The following SCN7A variants were observed in gnomAD, a reference collection of about 807,000 sequenced individuals.
SCN7A encodes the protein sodium channel protein type 7 subunit alpha.
A neutral mutation model predicts 155.2 loss-of-function variants in SCN7A; 138 were observed. The ratio of observed to expected loss-of-function variants is 0.89; its 90% CI spans 0.77 to 1.02. The LOEUF (loss-of-function observed/expected upper bound fraction) is 1.02. SCN7A is among the 50% of genes least tolerant of loss of function. The pLI, the probability that SCN7A is intolerant of heterozygous loss-of-function variation, is 0.00. For missense variants in SCN7A, 2,058 were observed against 1,986.6 expected, an observed-to-expected ratio of 1.04 and a Z score of -0.68; for synonymous variants, 693 against 649.0, an observed-to-expected ratio of 1.07 and a Z score of -1.03.
intron 3 of SCN7A, among the ~76,000 whole-genome samples, chr2:166,475,107 T>TAC (rs1702759950): frequency 6.7e-5 from 7 of 103,970 alleles, no homozygotes; most frequent in Admixed American, 4.1e-4. Flanking sequence ...TATATATGTA[T>TAC]ATATATATAT....
intron 1 of SCN7A, among the ~76,000 whole-genome samples, chr2:166,493,433 C>T (rs1559134531): frequency 6.6e-6 from 1 of 152,194 alleles, no homozygotes; most frequent in African/African-American, 2.4e-5. Context: ...ACAACAACAA[C>T]AATCTCTGTT....
chr2:166,449,234 G>C (rs1179364292), intron 11 of SCN7A, among the ~76,000 whole-genome samples: 1 of 152,118 alleles, frequency 6.6e-6, no homozygotes, highest in Non-Finnish European at 1.5e-5. Flanking sequence ...ATGGATGGAT[G>C]ATATTACACT....
At chr2:166,433,119 T>G (rs1240314388) in intron 15 of SCN7A, among the ~76,000 whole-genome samples, 3 of 152,108 alleles carry the variant, frequency 2.0e-5, no homozygotes, top group African/African-American at 7.2e-5. Context: ...GGGAGTTATT[T>G]ATATCCTACT....
Position 166,412,646 on chromosome 2 carries a change from C to G in SCN7A, c.3490G>C (p.Glu1164Gln). Residue 1164 changes from glutamate to glutamine, a missense_variant, in exon 23 of 26, where the codon GAA becomes CAA. Coordinates refer to ENST00000643258, the MANE Select transcript of SCN7A (RefSeq NM_002976.4). ...TAACAATACATGTAGATGTTGACTT[C>G]AAAATGAGGCTGTATATTAACCTAG... Reference protein sequence around the residue: ...SVAVNIQPHFEVNIYMYCYFI... With the variant: ...SVAVNIQPHFQVNIYMYCYFI... 2 of 1,510,654 alleles carry G rather than the reference C, an allele frequency of 1.3e-6. No homozygotes were observed. The highest frequency in any genetic ancestry group is 1.8e-6 in the Non-Finnish European group (2 of 1,134,108). 93.6% of individuals were successfully genotyped at this position (1,510,654 alleles called of 1,614,324 possible).
At chr2:166,455,489 A>G (rs1235447449) in intron 11 of SCN7A, among the ~76,000 whole-genome samples, 1 of 152,162 alleles carries the variant, frequency 6.6e-6, no homozygotes, top group Non-Finnish European at 1.5e-5. Flanking sequence ...GTGGGGGCTC[A>G]GCACTGGGCA....
intron 3 of SCN7A, among the ~76,000 whole-genome samples, chr2:166,476,781 T>C (rs1445822248): frequency 6.6e-6 from 1 of 152,058 alleles, no homozygotes; most frequent in Non-Finnish European, 1.5e-5. Context: ...CCTTCCAGAA[T>C]CATTCTCTGC....
rs758328949 is a variant in SCN7A at position 166,444,961 on chromosome 2, T to C, written c.1427A>G (p.Tyr476Cys). 5.0e-6 allele frequency: 8 copies of C among 1,612,804 alleles called. No individual in the cohort carries two copies. The Middle Eastern group carries it at 8.3e-4, about 167-fold the overall frequency. ...GATCAAGAAAGTTTTAGCAAACTTA[T>C]ACCAGTATAATGGGCATATCTTCTT... Reference protein sequence around the residue: ...KSKKICPLYWYKFAKTFLIWN... With the variant: ...KSKKICPLYWCKFAKTFLIWN... The change falls in exon 13 of 26, where the codon TAT becomes TGT. Residue 476 changes from tyrosine to cysteine, a missense_variant. Transcript: ENST00000643258.
At chr2:166,447,479 C>T (rs541551515) in intron 12 of SCN7A, 133 bp downstream of exon 12, 7 of 584,508 alleles carry the variant, frequency 1.2e-5, no homozygotes, top group African/African-American at 1.1e-4. Context: ...ATGGTTTATC[C>T]TAATATTCTC....
chr2:166,452,932 T>G (rs1312151040), intron 11 of SCN7A, among the ~76,000 whole-genome samples: 1 of 152,218 alleles, frequency 6.6e-6, no homozygotes, highest in Non-Finnish European at 1.5e-5. Context: ...TTTTTATTGT[T>G]ATTTTAATTA....
At position 166,432,577 on chromosome 2, in the gene SCN7A, A is replaced by T. The variant is rs1403665819; in HGVS notation, c.2333T>A (p.Met778Lys). ...CKTQNVPKDT[M>K]DHVNEVYVKE... ...AACATATACCTCATTTACATGGTCC[A>T]TTGTGTCCTTTGGGACATTTTGTGT... The change falls in exon 16 of 26, where the codon ATG (methionine) becomes AAG (lysine). Residue 778 changes from methionine (M) to lysine (K), a missense_variant. Transcript: ENST00000643258. 1.2e-6 allele frequency: 2 copies of T among 1,613,344 alleles called. No homozygotes were observed. Among genetic ancestry groups the T allele is most frequent in the Admixed American group, 3.3e-5 (2 of 59,952 alleles).
intron 14 of SCN7A, among the ~76,000 whole-genome samples, chr2:166,442,776 AG>A (rs1701987753): frequency 1.3e-5 from 2 of 152,190 alleles, no homozygotes; most frequent in Non-Finnish European, 2.9e-5. Flanking sequence ...TGCAATTGCC[AG>A]TGTTGTTTCA....
intron 10 of SCN7A, 39 bp from the exon 11 acceptor site, chr2:166,457,115 T>C (rs1702302364): frequency 1.4e-6 from 2 of 1,391,216 alleles, no homozygotes; most frequent in Non-Finnish European, 2.0e-6. Context: ...GAGTAAAATG[T>C]TATTTATCTT....
At chr2:166,455,962 A>G (rs1272679139) in intron 11 of SCN7A, among the ~76,000 whole-genome samples, 2 of 152,144 alleles carry the variant, frequency 1.3e-5, no homozygotes, top group Non-Finnish European at 2.9e-5. Context: ...TCGTTAGACT[A>G]CATAAAGAAA....
At chr2:166,418,514 C>T (rs1701440819) in intron 20 of SCN7A, among the ~76,000 whole-genome samples, 1 of 151,438 alleles carries the variant, frequency 6.6e-6, no homozygotes, top group Admixed American at 6.6e-5. Flanking sequence ...TGTTTTCTAC[C>T]ATTCTAACCT....
chr2:166,481,157 A>T (rs1031360889), intron 2 of SCN7A, among the ~76,000 whole-genome samples: 6 of 152,162 alleles, frequency 3.9e-5, no homozygotes, highest in Non-Finnish European at 8.8e-5. Context: ...TAAAATCATG[A>T]TCTTTGAACT....
intron 2 of SCN7A, among the ~76,000 whole-genome samples, chr2:166,479,524 T>C (rs1046807294): frequency 2.0e-5 from 3 of 152,130 alleles, no homozygotes. Flanking sequence ...AATCAAGTTT[T>C]CTGGGTTTTG....
At position 166,462,439 on chromosome 2, in the gene SCN7A, C is replaced by T. The variant is rs1388304752; in HGVS notation, c.1033G>A (p.Ala345Thr). Residue 345 changes from alanine (A) to threonine (T), a missense_variant, in exon 10 of 26, where the codon GCC (alanine) becomes ACC (threonine). By Grantham distance (58) the Ala-to-Thr change is moderately conservative. Coordinates refer to ENST00000643258, the MANE Select transcript of SCN7A (RefSeq NM_002976.4). ...NFDSFGWALF[A>T]LFRLMAQDYP... Reference sequence around the variant, plus strand: ...TCCTGAGCCATTAACCGAAATAGGGCAAATAAGGCCCAGCCAAAACTGTCA... The same window carrying T: ...TCCTGAGCCATTAACCGAAATAGGGTAAATAAGGCCCAGCCAAAACTGTCA... The T allele has an allele frequency of 1.2e-6, 2 of 1,610,418 alleles. No individual in the cohort carries two copies. The highest frequency in any genetic ancestry group is 1.7e-5 in the Admixed American group (1 of 59,570).
Position 166,416,853 on chromosome 2 carries a change from G to C in SCN7A, c.3268C>G (p.Pro1090Ala), listed in dbSNP as rs1323819744. 6.2e-7 allele frequency: 1 copy of C among 1,613,496 alleles called. No individual in the cohort carries two copies. Among genetic ancestry groups the C allele is most frequent in the East Asian group, 2.2e-5 (1 of 44,816 alleles). The change falls in exon 21 of 26, where the codon CCA becomes GCA. Residue 1090 changes from proline (P) to alanine (A), a missense_variant. Transcript: ENST00000643258. ...GAAGGAAACCTTTCTCCACTTGTTG[G>C]GTCAATGCATTCATAGAATCTGCCA... is the stretch of plus-strand genomic sequence containing the variant. ...FAGRFYECID[P>A]TSGERFPSSE... is the part of the protein sequence containing the mutation.
chr2:166,406,177 C>A lies in SCN7A; in HGVS notation c.4452G>T (p.Trp1484Cys). 6.2e-7 allele frequency: 1 copy of A among 1,612,472 alleles called. No homozygotes were observed. Among genetic ancestry groups the A allele is most frequent in the Non-Finnish European group, 8.5e-7 (1 of 1,179,148 alleles). ...FYFVSYILIS[W>C]LIIVNMYIVV... Reference sequence around the variant, plus strand: ...CAATGTACATATTTACAATGATCAGCCATGATATGAGGATATAACTGACAA... The same window carrying A: ...CAATGTACATATTTACAATGATCAGACATGATATGAGGATATAACTGACAA... The change falls in exon 26 of 26, where the codon TGG becomes TGT. Residue 1484 changes from tryptophan (W) to cysteine (C), a missense_variant. Physicochemically the swap from Trp to Cys is radical, Grantham distance 215. Coordinates refer to ENST00000643258, the MANE Select transcript of SCN7A (RefSeq NM_002976.4).
Sources: gnomAD v4.1 joint callset for allele counts (sites outside exome capture counted in the v4.1 genomes callset) on GRCh38, gnomAD v4.1.1 for gene constraint, MANE v1.5 for transcripts, NCBI Gene and HGNC (gene_info 2026-07-23, HGNC 2026-07-21) for gene names.